The following ADK variants were observed in gnomAD, a reference collection of about 807,000 sequenced individuals.
The protein encoded by ADK is N6,N6-dimethyladenosine kinase.
ADK carries 24 observed loss-of-function variants against 44.7 expected under a neutral mutation model. The observed-to-expected ratio is 0.54, with a 90% confidence interval of 0.39 to 0.76. The LOEUF is 0.76. Ranked by LOEUF, ADK falls within the 30% of genes least tolerant of loss-of-function variation. The pLI, the probability that ADK is intolerant of heterozygous loss-of-function variation, is 0.00. For synonymous variants in ADK, 128 were observed against 142.6 expected (o/e 0.90, Z 0.73); for missense variants, 321 against 425.1 (o/e 0.76, Z 2.15).
At chr10:74,589,413 C>A in intron 8 of ADK, 96 bp downstream of exon 8, 2 of 1,234,072 alleles carry the variant, frequency 1.6e-6, no homozygotes, top group Non-Finnish European at 2.4e-6. Flanking sequence ...TGCTATTATA[C>A]TCTCAGAGCC....
At chr10:74,396,960 A>G (rs943282953) in intron 5 of ADK, among the ~76,000 whole-genome samples, 1 of 141,998 alleles carries the variant, frequency 7.0e-6, no homozygotes, top group Non-Finnish European at 1.5e-5. Context: ...CTTCATCTGG[A>G]AAAAAAAAAA....
chr10:74,332,277 G>A (rs937040509), intron 4 of ADK, among the ~76,000 whole-genome samples: 4 of 152,190 alleles, frequency 2.6e-5, no homozygotes, highest in African/African-American at 9.7e-5. Flanking sequence ...TTAGATGAGA[G>A]ATGTATGTAG....
rs138484711 is a variant in ADK, at chr10:74,330,034, G to A, written c.273+15289G>A. 5.2e-3 allele frequency among the ~76,000 whole-genome samples: 791 copies of A among 152,082 alleles called. 6 individuals are homozygous for A. Among genetic ancestry groups the A allele is most frequent in the African/African-American group, 0.017 (705 of 41,496 alleles). On this transcript the variant is annotated intron_variant, in intron 4 of 10. Transcript: ENST00000539909. ...AAAAAAAAAATTAGCCAGGCACGGT[G>A]GTACATGCCTGTCATCCCAGCTAGT...
At chr10:74,331,857 A>T (rs1013953623) in intron 4 of ADK, among the ~76,000 whole-genome samples, 1 of 151,942 alleles carries the variant, frequency 6.6e-6, no homozygotes, top group African/African-American at 2.4e-5. Context: ...ATTTTACTTT[A>T]TTTATTTATT....
At chr10:74,304,669 T>C (rs547065562) in intron 3 of ADK, among the ~76,000 whole-genome samples, 32 of 152,332 alleles carry the variant, frequency 2.1e-4, no homozygotes, top group African/African-American at 7.7e-4. Context: ...TTTAAAAATA[T>C]TCAAGGGAAA....
chr10:74,611,407 T>C (rs1437065883), intron 9 of ADK, among the ~76,000 whole-genome samples: 1 of 152,074 alleles, frequency 6.6e-6, no homozygotes, highest in Non-Finnish European at 1.5e-5. Flanking sequence ...AGAAAATATA[T>C]TAAGTCAGAT....
intron 7 of ADK, among the ~76,000 whole-genome samples, chr10:74,542,384 T>C (rs1849669001): frequency 6.6e-6 from 1 of 152,236 alleles, no homozygotes; most frequent in South Asian, 2.1e-4. Flanking sequence ...TAATAACTAA[T>C]ATGCTGTGAA....
chr10:74,295,323 A>G (rs1353031871), intron 3 of ADK, among the ~76,000 whole-genome samples: 2 of 148,214 alleles, frequency 1.3e-5, no homozygotes, highest in East Asian at 4.0e-4. Context: ...TTAGCCGGGC[A>G]TGGTGGCACG....
At chr10:74,375,594 C>T (rs1282355060) in intron 4 of ADK, among the ~76,000 whole-genome samples, 1 of 152,082 alleles carries the variant, frequency 6.6e-6, no homozygotes, top group East Asian at 1.9e-4. Flanking sequence ...TAGGCAGGCT[C>T]AAAGCTGTAG....
chr10:74,406,085 G>C (rs757381944), intron 6 of ADK, among the ~76,000 whole-genome samples: 25 of 152,138 alleles, frequency 1.6e-4, no homozygotes, highest in Non-Finnish European at 3.5e-4. Context: ...GGAAACTCTT[G>C]CAATAAACTG....
intron 10 of ADK, among the ~76,000 whole-genome samples, chr10:74,686,998 C>A (rs895753505): frequency 6.6e-6 from 1 of 152,038 alleles, no homozygotes; most frequent in African/African-American, 2.4e-5. Flanking sequence ...CTCTAAGCCT[C>A]CGTTTCCTCA....
At chr10:74,476,679 T>C (rs546085474) in intron 6 of ADK, among the ~76,000 whole-genome samples, 4 of 152,204 alleles carry the variant, frequency 2.6e-5, no homozygotes, top group Admixed American at 6.5e-5. Context: ...ATTTAATACA[T>C]TTAGACTAAT....
chr10:74,703,619 A>G (rs559659644), intron 10 of ADK, among the ~76,000 whole-genome samples: 1 of 152,358 alleles, frequency 6.6e-6, no homozygotes, highest in African/African-American at 2.4e-5. Flanking sequence ...TACCACAGTT[A>G]AATCCTGAAC....
At chr10:74,678,063 C>T (rs554206218) in intron 10 of ADK, among the ~76,000 whole-genome samples, 71 of 149,370 alleles carry the variant, frequency 4.8e-4, no homozygotes, top group African/African-American at 1.7e-3. Flanking sequence ...ATAGCTTGAG[C>T]CCAAAAGGTT....
At chr10:74,424,695 C>G (rs540594222) in intron 6 of ADK, among the ~76,000 whole-genome samples, 115 of 152,068 alleles carry the variant, frequency 7.6e-4, no homozygotes, top group African/African-American at 2.5e-3. Context: ...CTCATAACCT[C>G]TTATATAGTT....
chr10:74,329,286 C>CAAA (rs1841135750), intron 4 of ADK, among the ~76,000 whole-genome samples: 3 of 151,928 alleles, frequency 2.0e-5, no homozygotes. Flanking sequence ...AAGTAAAAAA[C>CAAA]CAAATAGTCT....
intron 1 of ADK, among the ~76,000 whole-genome samples, chr10:74,174,200 C>T (rs566689832): frequency 1.4e-5 from 2 of 144,988 alleles, no homozygotes; most frequent in Admixed American, 7.1e-5. Context: ...CCCAGCTACT[C>T]GGGAGGCTGA....
chr10:74,258,947 G>GTTTTTTTT (rs141424052), intron 3 of ADK, among the ~76,000 whole-genome samples: 88 of 96,116 alleles, frequency 9.2e-4, no homozygotes, highest in East Asian at 3.6e-3. Flanking sequence ...TTGTTTTTGT[G>GTTTTTTTT]TTTTTTTTTT....
At chr10:74,461,237 G>T (rs1334754364) in intron 6 of ADK, among the ~76,000 whole-genome samples, 3 of 152,028 alleles carry the variant, frequency 2.0e-5, no homozygotes, top group African/African-American at 7.2e-5. Flanking sequence ...AACGTTAGCA[G>T]AAAGCAATAA....
Sources: gnomAD v4.1 joint callset for allele counts (sites outside exome capture counted in the v4.1 genomes callset) on GRCh38, gnomAD v4.1.1 for gene constraint, MANE v1.5 for transcripts, NCBI Gene and HGNC (gene_info 2026-07-23, HGNC 2026-07-21) for gene names.